Variants in JMJD1C observed in about 807,000 individuals in gnomAD.
JMJD1C encodes jumonji domain containing 1C, also known as jumonji domain-containing protein 1C.
Under a neutral mutation model 245.3 loss-of-function variants are expected in JMJD1C, and 31 were observed. The ratio of observed to expected loss-of-function variants is 0.13; its 90% CI spans 0.09 to 0.17. JMJD1C has a LOEUF of 0.17. JMJD1C is among the 10% of genes least tolerant of loss of function. The pLI, the probability that JMJD1C is intolerant of heterozygous loss-of-function variation, is 1.00. For synonymous variants in JMJD1C, 1,057 were observed against 1,017.4 expected (o/e 1.04, Z -0.74); for missense variants, 2,691 against 3,000.2 (o/e 0.90, Z 2.41).
intron 2 of JMJD1C, among the ~76,000 whole-genome samples, chr10:63,371,106 T>C (rs1589605316): frequency 6.6e-6 from 1 of 151,686 alleles, no homozygotes; most frequent in South Asian, 2.1e-4. Flanking sequence ...ACCTCCTGAG[T>C]AGCTGGGACT....
intron 1 of JMJD1C, among the ~76,000 whole-genome samples, chr10:63,388,348 G>GA (rs71463520): frequency 0.042 from 5,446 of 131,162 alleles, 310 homozygotes; most frequent in East Asian, 0.3. Flanking sequence ...AGCTGAAGGA[G>GA]AAAAAAAAAA....
intron 2 of JMJD1C, among the ~76,000 whole-genome samples, chr10:63,300,891 C>CAA (rs59953949): frequency 0.018 from 2,541 of 139,818 alleles, 66 homozygotes; most frequent in African/African-American, 0.058. Flanking sequence ...GACTCTGTCT[C>CAA]AAAAAAAAAA....
intron 3 of JMJD1C, among the ~76,000 whole-genome samples, chr10:63,264,084 C>T (rs1014928667): frequency 2.0e-5 from 3 of 149,850 alleles, no homozygotes; most frequent in African/African-American, 7.4e-5. Context: ...TAGCTTAATA[C>T]TTTTGATGAG....
At chr10:63,505,878 C>T (rs561236109) in intron 1 of JMJD1C, among the ~76,000 whole-genome samples, 1 of 143,600 alleles carries the variant, frequency 7.0e-6, no homozygotes, top group African/African-American at 2.6e-5. Context: ...TAAAGTCTTA[C>T]AGGTGGGATT....
At chr10:63,518,954 A>G (rs987909872) in intron 1 of JMJD1C, among the ~76,000 whole-genome samples, 3 of 152,206 alleles carry the variant, frequency 2.0e-5, no homozygotes, top group African/African-American at 7.2e-5. Flanking sequence ...CCAATGACCT[A>G]TGTGATCACC....
intron 3 of JMJD1C, among the ~76,000 whole-genome samples, chr10:63,226,065 A>C (rs1007399634): frequency 4.6e-5 from 7 of 152,082 alleles, no homozygotes; most frequent in African/African-American, 1.7e-4. Context: ...TGCCTTTTAA[A>C]ATTTGACACA....
rs116985663 is a variant in JMJD1C at position 63,261,967 on chromosome 10, C to T, written c.447+2684G>A. On this transcript the variant is annotated intron_variant, in intron 3 of 25. Transcript: ENST00000399262. Reference sequence around the variant, plus strand: ...GACTAAAAAATAATATACACAAAGGCCATTTCCAAAGAGAATTTTCCCCCA... The same window carrying T: ...GACTAAAAAATAATATACACAAAGGTCATTTCCAAAGAGAATTTTCCCCCA... Among the ~76,000 whole-genome samples, 646 of 152,120 alleles carry T rather than the reference C, an allele frequency of 4.2e-3. 1 individual carries two copies. The highest frequency in any genetic ancestry group is 6.7e-3 in the Non-Finnish European group (458 of 67,978).
intron 3 of JMJD1C, among the ~76,000 whole-genome samples, chr10:63,249,802 C>A (rs1852798331): frequency 6.6e-6 from 1 of 151,632 alleles, no homozygotes; most frequent in East Asian, 1.9e-4. Context: ...AGAGTTCGCA[C>A]TGGGCCAAGA....
intron 2 of JMJD1C, among the ~76,000 whole-genome samples, chr10:63,311,455 C>A (rs10822155): frequency 0.36 from 54,840 of 151,852 alleles, 10,568 homozygotes; most frequent in South Asian, 0.5. Context: ...CCTCACGTGT[C>A]CATCATGGAG....
chr10:63,402,053 G>A lies in JMJD1C; in HGVS notation c.169-21571C>T, dbSNP rs560707420. 2.6e-5 allele frequency among the ~76,000 whole-genome samples: 4 copies of A among 151,422 alleles called. No homozygotes were observed. In the South Asian group the frequency reaches 8.3e-4, roughly 32 times the overall value. ...GGAAGCTGAGGAAAGAGAATCGCTTGAACCTGGGAGGCAGAGTTTGCAATG... is the reference window on the plus strand; with the variant it reads ...GGAAGCTGAGGAAAGAGAATCGCTTAAACCTGGGAGGCAGAGTTTGCAATG... On this transcript the variant is annotated intron_variant, in intron 1 of 25. Coordinates refer to ENST00000399262, the MANE Select transcript of JMJD1C (RefSeq NM_032776.3).
At chr10:63,361,567 C>G (rs1024927633) in intron 2 of JMJD1C, among the ~76,000 whole-genome samples, 4 of 151,636 alleles carry the variant, frequency 2.6e-5, no homozygotes, top group African/African-American at 4.8e-5. Context: ...CAATTGAAAG[C>G]AATTAAAATT....
chr10:63,355,888 C>T (rs770481961), intron 2 of JMJD1C, among the ~76,000 whole-genome samples: 54 of 152,036 alleles, frequency 3.6e-4, no homozygotes, highest in Non-Finnish European at 1.6e-4. Context: ...TGATTTAAAG[C>T]CCAAAGAAAC....
At chr10:63,331,175 T>C (rs1942100008) in intron 2 of JMJD1C, among the ~76,000 whole-genome samples, 1 of 152,210 alleles carries the variant, frequency 6.6e-6, no homozygotes, top group South Asian at 2.1e-4. Context: ...TCATTTCTTA[T>C]TATTCTCCTA....
intron 24 of JMJD1C, among the ~76,000 whole-genome samples, chr10:63,170,288 T>G (rs1842229067): frequency 2.0e-5 from 3 of 152,294 alleles, no homozygotes; most frequent in African/African-American, 7.2e-5. Flanking sequence ...TTTCTCCCTT[T>G]GAATGGGCCA....
chr10:63,287,756 CT>C (rs376923782), intron 2 of JMJD1C, among the ~76,000 whole-genome samples: 16 of 148,460 alleles, frequency 1.1e-4, no homozygotes, highest in Admixed American at 3.4e-4. Context: ...TTTTCTTTTT[CT>C]TTTTTTTTTG....
intron 1 of JMJD1C, among the ~76,000 whole-genome samples, chr10:63,498,796 A>G (rs1019236490): frequency 3.4e-4 from 52 of 152,176 alleles, no homozygotes; most frequent in Non-Finnish European, 1.0e-4. Context: ...TTAACTAACT[A>G]TAACACAGTG....
At chr10:63,451,181 A>G (rs1952046228) in intron 1 of JMJD1C, among the ~76,000 whole-genome samples, 1 of 152,238 alleles carries the variant, frequency 6.6e-6, no homozygotes, top group Non-Finnish European at 1.5e-5. Context: ...AGAAAATCCG[A>G]TATTAAGATA....
intron 1 of JMJD1C, among the ~76,000 whole-genome samples, chr10:63,444,398 C>T (rs994696725): frequency 3.3e-5 from 5 of 149,804 alleles, no homozygotes; most frequent in Non-Finnish European, 7.4e-5. Flanking sequence ...CTCAGCCTCC[C>T]GAGTAGCTAG....
rs540242096 is a variant in JMJD1C, at chr10:63,195,128, C to T, written c.5645-753G>A. Among the ~76,000 whole-genome samples the T allele has an allele frequency of 1.2e-4, 19 of 152,042 alleles. No individual in the cohort carries two copies. In the East Asian group the frequency reaches 3.1e-3, roughly 25 times the overall value. On this transcript the variant is annotated intron_variant, in intron 13 of 25. Transcript: ENST00000399262. ...CCAGCATTTTGGGAGGCCAAGGCAG[C>T]GGATCACTTGAGGTCAGGACTTCAA...
Sources: gnomAD v4.1 joint callset for allele counts (sites outside exome capture counted in the v4.1 genomes callset) on GRCh38, gnomAD v4.1.1 for gene constraint, MANE v1.5 for transcripts, NCBI Gene and HGNC (gene_info 2026-07-23, HGNC 2026-07-21) for gene names.